LSAMP: variants seen among roughly 807,000 people sequenced by gnomAD.
The protein encoded by LSAMP is limbic system associated membrane protein.
Under a neutral mutation model 38.6 loss-of-function variants are expected in LSAMP, and 7 were observed. That is an observed-to-expected ratio of 0.18 (90% CI 0.10 to 0.34). The LOEUF (loss-of-function observed/expected upper bound fraction) is 0.34, where lower values mean the gene tolerates loss of function less well. LSAMP is among the 10% of genes least tolerant of loss of function. LSAMP has a pLI of 1.00. For missense variants in LSAMP, 313 were observed against 420.0 expected, an observed-to-expected ratio of 0.75 and a Z score of 2.23; for synonymous variants, 154 against 166.8, an observed-to-expected ratio of 0.92 and a Z score of 0.59.
At position 116,424,922 on chromosome 3, in the gene LSAMP, A is replaced by T. The variant is rs2049174718; in HGVS notation, c.155+19955T>A. 2.0e-5 allele frequency among the ~76,000 whole-genome samples: 3 copies of T among 151,834 alleles called. No homozygotes were observed. In the East Asian group the frequency reaches 5.8e-4, roughly 29 times the overall value. ...ATTAAATACTGTAAATCACAGCTTT[A>T]TTGATAGGAAAGGAGGTATCTGCAT... On this transcript the variant is annotated intron_variant, in intron 1 of 6. Transcript: ENST00000490035.
intron 3 of LSAMP, among the ~76,000 whole-genome samples, chr3:115,904,267 C>G (rs1186825984): frequency 6.6e-6 from 1 of 151,684 alleles, no homozygotes; most frequent in Non-Finnish European, 1.5e-5. Context: ...ATGCTTATGT[C>G]AAATAGTTTT....
intron 1 of LSAMP, among the ~76,000 whole-genome samples, chr3:116,123,149 G>T (rs966903400): frequency 2.6e-5 from 4 of 152,184 alleles, no homozygotes; most frequent in Non-Finnish European, 5.9e-5. Flanking sequence ...AATTATTAGT[G>T]TTGGATCATG....
intron 3 of LSAMP, among the ~76,000 whole-genome samples, chr3:115,979,089 G>A (rs768407868): frequency 6.6e-6 from 1 of 152,044 alleles, no homozygotes; most frequent in African/African-American, 2.4e-5. Context: ...AAAGGCAAAA[G>A]GAGATCAATA....
intron 3 of LSAMP, among the ~76,000 whole-genome samples, chr3:115,888,211 A>G (rs1402244219): frequency 6.6e-6 from 1 of 151,968 alleles, no homozygotes; most frequent in East Asian, 1.9e-4. Flanking sequence ...CTTCTCATAA[A>G]CCATGAAATA....
intron 3 of LSAMP, among the ~76,000 whole-genome samples, chr3:116,016,317 T>C (rs1027289565): frequency 1.4e-4 from 21 of 152,228 alleles, no homozygotes; most frequent in Non-Finnish European, 2.2e-4. Context: ...GTGAAAGAAA[T>C]GAAAGAGGAG....
chr3:116,340,391 A>G (rs2047976095), intron 1 of LSAMP, among the ~76,000 whole-genome samples: 1 of 151,952 alleles, frequency 6.6e-6, no homozygotes, highest in Non-Finnish European at 1.5e-5. Context: ...TACATACCCC[A>G]GTGTAGATCA....
At chr3:116,128,131 T>C (rs1219120477) in intron 1 of LSAMP, among the ~76,000 whole-genome samples, 1 of 152,226 alleles carries the variant, frequency 6.6e-6, no homozygotes, top group Admixed American at 6.5e-5. Flanking sequence ...ATAGTTTCCA[T>C]GTCTTAGGAA....
chr3:116,359,148 C>A (rs1280280420), intron 1 of LSAMP, among the ~76,000 whole-genome samples: 5 of 152,160 alleles, frequency 3.3e-5, no homozygotes, highest in African/African-American at 4.8e-5. Context: ...GTTTATGATA[C>A]ATACTACTTT....
At chr3:115,924,922 A>G (rs1937464112) in intron 3 of LSAMP, among the ~76,000 whole-genome samples, 1 of 152,110 alleles carries the variant, frequency 6.6e-6, no homozygotes, top group African/African-American at 2.4e-5. Flanking sequence ...TTCTCTTGCT[A>G]TGCTCTTTCT....
chr3:116,063,340 A>G (rs1334880267), intron 2 of LSAMP, among the ~76,000 whole-genome samples: 1 of 152,170 alleles, frequency 6.6e-6, no homozygotes, highest in Non-Finnish European at 1.5e-5. Flanking sequence ...TACACCCTGA[A>G]GAACAAAATC....
chr3:116,018,146 A>G (rs1016760533), intron 3 of LSAMP, among the ~76,000 whole-genome samples: 4 of 152,166 alleles, frequency 2.6e-5, no homozygotes, highest in South Asian at 2.1e-4. Flanking sequence ...TCATGTATAT[A>G]TTATCAATAA....
chr3:116,372,118 C>T (rs137891099), intron 1 of LSAMP, among the ~76,000 whole-genome samples: 148 of 152,030 alleles, frequency 9.7e-4, no homozygotes, highest in African/African-American at 3.3e-3. Flanking sequence ...ACTACTAGCT[C>T]GATACAATCC....
intron 3 of LSAMP, among the ~76,000 whole-genome samples, chr3:115,908,576 T>G (rs1487093296): frequency 6.6e-6 from 1 of 152,188 alleles, no homozygotes; most frequent in Non-Finnish European, 1.5e-5. Flanking sequence ...CTTTTTACTC[T>G]GTGATGTTAC....
intron 1 of LSAMP, among the ~76,000 whole-genome samples, chr3:116,422,946 G>T (rs1293690542): frequency 6.6e-6 from 1 of 152,092 alleles, no homozygotes; most frequent in Non-Finnish European, 1.5e-5. Flanking sequence ...TCTTATTTAT[G>T]TATTGACATA....
intron 1 of LSAMP, among the ~76,000 whole-genome samples, chr3:116,232,716 T>TTTC (rs1036028089): frequency 6.8e-6 from 1 of 146,750 alleles, no homozygotes; most frequent in Non-Finnish European, 1.5e-5. Context: ...TTTTTTTTTT[T>TTTC]CCAGCAGGTA....
chr3:116,102,785 A>ATCTATCTATCTGTCTGTCTGTCTGTCTG (rs562864883), intron 1 of LSAMP, among the ~76,000 whole-genome samples: 2 of 151,692 alleles, frequency 1.3e-5, no homozygotes, highest in African/African-American at 4.9e-5. Flanking sequence ...CTATCTATCT[A>ATCTATCTATCTGTCTGTCTGTCTGTCTG]TCTGTCTGTC....
chr3:116,091,452 G>T (rs1287118794), intron 1 of LSAMP, among the ~76,000 whole-genome samples: 2 of 152,184 alleles, frequency 1.3e-5, no homozygotes, highest in Non-Finnish European at 2.9e-5. Flanking sequence ...AATCACAAGG[G>T]TATTGATTGG....
At chr3:116,272,332 A>G (rs543436758) in intron 1 of LSAMP, among the ~76,000 whole-genome samples, 1 of 152,220 alleles carries the variant, frequency 6.6e-6, no homozygotes, top group Non-Finnish European at 1.5e-5. Context: ...AACAACTATA[A>G]CACCAAGGCT....
At chr3:116,372,678 A>G (rs1328981454) in intron 1 of LSAMP, among the ~76,000 whole-genome samples, 1 of 143,366 alleles carries the variant, frequency 7.0e-6, no homozygotes, top group African/African-American at 2.6e-5. Flanking sequence ...AAGAATATTC[A>G]GAATATTAAT....
Sources: gnomAD v4.1 joint callset for allele counts (sites outside exome capture counted in the v4.1 genomes callset) on GRCh38, gnomAD v4.1.1 for gene constraint, MANE v1.5 for transcripts, NCBI Gene and HGNC (gene_info 2026-07-23, HGNC 2026-07-21) for gene names.